IGSF21: variants seen among roughly 807,000 people sequenced by gnomAD.
IGSF21 encodes the protein immunoglobulin superfamily member 21.
IGSF21 carries 28 observed loss-of-function variants against 46.8 expected under a neutral mutation model. The observed-to-expected ratio is 0.60, with a 90% CI of 0.44 to 0.82. The LOEUF (loss-of-function observed/expected upper bound fraction) is 0.82, where lower values mean the gene tolerates loss of function less well. Ranked by LOEUF, IGSF21 falls within the 40% of genes least tolerant of loss-of-function variation. The probability of loss-of-function intolerance (pLI) is 0.00; values close to 1 mark genes in which losing one functional copy is unlikely to be tolerated. For missense variants in IGSF21, 624 were observed against 665.5 expected, an observed-to-expected ratio of 0.94 and a Z score of 0.69; for synonymous variants, 284 against 273.6, an observed-to-expected ratio of 1.04 and a Z score of -0.38.
intron 1 of IGSF21, among the ~76,000 whole-genome samples, chr1:18,139,063 C>A (rs748266411): frequency 6.6e-6 from 1 of 152,196 alleles, no homozygotes; most frequent in Non-Finnish European, 1.5e-5. Context: ...GGTGCAGGAG[C>A]GCTCTTCCCT....
At chr1:18,319,683 T>C (rs1175998893) in intron 3 of IGSF21, among the ~76,000 whole-genome samples, 2 of 152,234 alleles carry the variant, frequency 1.3e-5, no homozygotes, top group Admixed American at 1.3e-4. Flanking sequence ...CGATTGTGCA[T>C]TTGTTTCATC....
At chr1:18,187,574 C>G (rs903998016) in intron 1 of IGSF21, among the ~76,000 whole-genome samples, 1 of 152,132 alleles carries the variant, frequency 6.6e-6, no homozygotes, top group African/African-American at 2.4e-5. Flanking sequence ...GGAAACCACT[C>G]CTGCGATCCA....
At chr1:18,233,582 G>C (rs1181782999) in intron 2 of IGSF21, among the ~76,000 whole-genome samples, 1 of 152,210 alleles carries the variant, frequency 6.6e-6, no homozygotes, top group African/African-American at 2.4e-5. Flanking sequence ...GCAACCAAAA[G>C]ACCCCATTGT....
At chr1:18,307,955 T>G (rs550896355) in intron 3 of IGSF21, among the ~76,000 whole-genome samples, 1 of 152,264 alleles carries the variant, frequency 6.6e-6, no homozygotes, top group South Asian at 2.1e-4. Context: ...AATTGTCACA[T>G]CATAAAATGC....
At chr1:18,164,978 T>G (rs10796440) in intron 1 of IGSF21, among the ~76,000 whole-genome samples, 53,325 of 148,068 alleles carry the variant, frequency 0.36, 9,785 homozygotes, top group Admixed American at 0.48. Flanking sequence ...AGTGAGAACA[T>G]GCGGTGTTTG....
In IGSF21 at chr1:18,365,187, C is replaced by A. The variant is rs934239422; in HGVS notation, c.541-36C>A. ...CACTGGGAGGTTGAAGTTAGTAGCACAAAATCATTTTCCCACACCCTCCTT... is the reference window on the plus strand; with the variant it reads ...CACTGGGAGGTTGAAGTTAGTAGCAAAAAATCATTTTCCCACACCCTCCTT... On this transcript the variant is annotated intron_variant, in intron 5 of 9. Coordinates refer to ENST00000251296, the MANE Select transcript of IGSF21 (RefSeq NM_032880.5). The surrounding 1 kb of genome is among the most constrained non-coding windows in gnomAD (Gnocchi z 4.8). 3 of 1,529,672 alleles carry A rather than the reference C, an allele frequency of 2.0e-6. No individual in the cohort carries two copies. Among genetic ancestry groups the A allele is most frequent in the African/African-American group, 2.7e-5 (2 of 72,928 alleles). 94.8% of individuals were successfully genotyped at this position (1,529,672 alleles called of 1,614,324 possible).
intron 1 of IGSF21, among the ~76,000 whole-genome samples, chr1:18,163,286 G>A (rs1348675500): frequency 6.6e-6 from 1 of 152,132 alleles, no homozygotes; most frequent in African/African-American, 2.4e-5. Context: ...ACTCAGAATA[G>A]TGGTTGTTAT....
chr1:18,279,600 G>A (rs932766423), intron 2 of IGSF21, among the ~76,000 whole-genome samples: 1 of 152,158 alleles, frequency 6.6e-6, no homozygotes, highest in Non-Finnish European at 1.5e-5. Context: ...CCCAGCATCC[G>A]CTACCAGTGA....
intron 1 of IGSF21, among the ~76,000 whole-genome samples, chr1:18,166,542 G>T (rs371099003): frequency 1.3e-5 from 2 of 152,232 alleles, no homozygotes; most frequent in African/African-American, 4.8e-5. Flanking sequence ...AGGACGAAAT[G>T]AGATGATATC....
intron 1 of IGSF21, among the ~76,000 whole-genome samples, chr1:18,172,733 G>A (rs2086751364): frequency 6.6e-6 from 1 of 152,160 alleles, no homozygotes; most frequent in African/African-American, 2.4e-5. Flanking sequence ...TTCAACATAT[G>A]AACTTGGGAA....
chr1:18,273,037 A>ATTTTTTT (rs2085057685), intron 2 of IGSF21, among the ~76,000 whole-genome samples: 4 of 90,196 alleles, frequency 4.4e-5, no homozygotes, highest in African/African-American at 1.4e-4. Flanking sequence ...AGCCAGACGG[A>ATTTTTTT]TCTTTTTTTT....
intron 1 of IGSF21, among the ~76,000 whole-genome samples, chr1:18,129,670 C>T (rs889119244): frequency 6.6e-6 from 1 of 152,194 alleles, no homozygotes; most frequent in African/African-American, 2.4e-5. Flanking sequence ...CGTATCGACC[C>T]AGCAACCCCT....
chr1:18,114,187 G>C (rs2086166520), intron 1 of IGSF21: 1 of 152,160 alleles, frequency 6.6e-6, no homozygotes, highest in South Asian at 2.1e-4. Flanking sequence ...CTGGAGTCTT[G>C]AGGCCCATTG....
chr1:18,378,101 T>C (rs1383050298), intron 9 of IGSF21, among the ~76,000 whole-genome samples, 155 bp from the exon 10 acceptor site: 5 of 152,198 alleles, frequency 3.3e-5, no homozygotes, highest in Non-Finnish European at 7.3e-5. Flanking sequence ...GAGGAGATCA[T>C]GGACAGTTAG....
intron 1 of IGSF21, among the ~76,000 whole-genome samples, chr1:18,143,024 C>T (rs2086432351): frequency 6.6e-6 from 1 of 152,144 alleles, no homozygotes; most frequent in South Asian, 2.1e-4. Context: ...CCCAGGATGC[C>T]CAGAGCCTTC....
Position 18,174,015 on chromosome 1 carries a change from A to G in IGSF21, c.71-53883A>G, listed in dbSNP as rs188449063. 1.1e-4 allele frequency among the ~76,000 whole-genome samples: 16 copies of G among 152,326 alleles called. No homozygotes were observed. In the East Asian group the frequency reaches 3.1e-3, roughly 29 times the overall value. On this transcript the variant is annotated intron_variant, in intron 1 of 9. Coordinates refer to ENST00000251296, the MANE Select transcript of IGSF21 (RefSeq NM_032880.5). ...GTGATTTGCCCTCCTCGGCCTCCCAAAGTGCTGGGATCACAGGCATGAGCC... is the reference window on the plus strand; with the variant it reads ...GTGATTTGCCCTCCTCGGCCTCCCAGAGTGCTGGGATCACAGGCATGAGCC...
chr1:18,374,505 C>T (rs1306244717), intron 6 of IGSF21, among the ~76,000 whole-genome samples: 2 of 152,000 alleles, frequency 1.3e-5, no homozygotes, highest in Non-Finnish European at 2.9e-5. Flanking sequence ...ACTCAGCTCG[C>T]AGGTATCCCA....
rs150869622 is a variant in IGSF21 at position 18,231,922 on chromosome 1, CGTGTGT to C, written c.183+3946_183+3951del. ...ATTTGGTAACCTGACATCATTAGAT[CGTGTGT>C]GTGTGTGTGTGTGTGTGTGTGTGTG... is the stretch of plus-strand genomic sequence containing the variant. On this transcript the variant is annotated intron_variant, in intron 2 of 9. Transcript: ENST00000251296. 9.5e-4 allele frequency among the ~76,000 whole-genome samples: 130 copies of C among 136,518 alleles called. 1 individual carries two copies. Among genetic ancestry groups the C allele is most frequent in the Middle Eastern group, 3.7e-3 (1 of 268 alleles). 89.6% of individuals were successfully genotyped at this position (136,518 alleles called of 152,430 possible).
intron 4 of IGSF21, among the ~76,000 whole-genome samples, chr1:18,339,740 C>A (rs1032857052): frequency 4.6e-5 from 7 of 152,148 alleles, no homozygotes; most frequent in African/African-American, 7.2e-5. Flanking sequence ...GAAACAAAAC[C>A]AAACCAATAA....
Sources: allele counts gnomAD v4.1 joint callset (sites outside exome capture counted in the v4.1 genomes callset), GRCh38; gene constraint gnomAD v4.1.1; non-coding constraint Gnocchi (gnomAD v3.1); transcripts MANE v1.5; gene names NCBI Gene and HGNC (gene_info 2026-07-23, HGNC 2026-07-21).